MOB3B: variants seen among roughly 807,000 people sequenced by gnomAD.
MOB3B encodes the protein MOB kinase activator 3B.
MOB3B carries 7 observed loss-of-function variants against 18.7 expected under a neutral mutation model. The observed-to-expected ratio is 0.37, with a 90% CI of 0.21 to 0.70. MOB3B has a LOEUF of 0.70. Ranked by LOEUF, MOB3B falls within the 30% of genes least tolerant of loss-of-function variation. MOB3B has a pLI of 0.52. For synonymous variants in MOB3B, 111 were observed against 99.9 expected (o/e 1.11, Z -0.66); for missense variants, 253 against 281.3 (o/e 0.90, Z 0.72).
rs569328413 is a variant in MOB3B, at chr9:27,524,223, G to A, written c.-199+5332C>T. 366 of 898,732 alleles carry A rather than the reference G, an allele frequency of 4.1e-4. 1 individual carries two copies. The highest frequency in any genetic ancestry group is 2.1e-3 in the Middle Eastern group (6 of 2,900). 55.7% of individuals were successfully genotyped at this position (898,732 alleles called of 1,614,324 possible). On this transcript the variant is annotated intron_variant, in intron 1 of 3. Coordinates refer to ENST00000262244, the MANE Select transcript of MOB3B (RefSeq NM_024761.5). ...CAACCTTGGTTAACTGTGAAATGAC[G>A]AATGAGAAAACTCCTCCTGCTGAAG...
At chr9:27,502,078 C>T (rs1820000705) in intron 1 of MOB3B, among the ~76,000 whole-genome samples, 1 of 152,158 alleles carries the variant, frequency 6.6e-6, no homozygotes, top group Non-Finnish European at 1.5e-5. Context: ...CATATATACA[C>T]GATCCTTCTC....
intron 2 of MOB3B, among the ~76,000 whole-genome samples, chr9:27,447,427 C>G (rs1333329895): frequency 6.6e-6 from 1 of 152,188 alleles, no homozygotes; most frequent in African/African-American, 2.4e-5. Context: ...CCTATTATGG[C>G]CTTTGTTTGT....
intron 3 of MOB3B, among the ~76,000 whole-genome samples, chr9:27,331,215 C>T (rs1459639404): frequency 2.6e-5 from 4 of 152,150 alleles, no homozygotes; most frequent in Admixed American, 6.5e-5. Context: ...TTATAGATCC[C>T]GAATAGCCAT....
At chr9:27,337,270 C>G (rs930273660) in intron 3 of MOB3B, among the ~76,000 whole-genome samples, 1 of 152,246 alleles carries the variant, frequency 6.6e-6, no homozygotes, top group South Asian at 2.1e-4. Context: ...TTTCGTCTCA[C>G]AAATTCCACT....
chr9:27,508,927 G>C (rs1406656035), intron 1 of MOB3B, among the ~76,000 whole-genome samples: 1 of 152,176 alleles, frequency 6.6e-6, no homozygotes, highest in Non-Finnish European at 1.5e-5. Flanking sequence ...AAAGCAAACA[G>C]CTCCAGTTCC....
chr9:27,435,669 T>C (rs1822489909), intron 2 of MOB3B, among the ~76,000 whole-genome samples: 1 of 152,156 alleles, frequency 6.6e-6, no homozygotes, highest in African/African-American at 2.4e-5. Context: ...GCGCTATCTC[T>C]ACTCACTGCC....
Position 27,363,851 on chromosome 9 carries a change from C to T in MOB3B, c.419-4615G>A, listed in dbSNP as rs905767691. Among the ~76,000 whole-genome samples the T allele has an allele frequency of 2.0e-5, 3 of 152,336 alleles. No homozygotes were observed. The South Asian group carries it at 6.2e-4, about 32-fold the overall frequency. ...CAGCCTCCTGGGCCCAAGCAATCCT[C>T]CTGCCTCAGCCTTCCAAGTAGCTGA... is the stretch of plus-strand genomic sequence containing the variant. On this transcript the variant is annotated intron_variant, in intron 2 of 3. Coordinates refer to ENST00000262244, the MANE Select transcript of MOB3B (RefSeq NM_024761.5).
At chr9:27,438,171 C>T (rs927479791) in intron 2 of MOB3B, among the ~76,000 whole-genome samples, 1 of 152,204 alleles carries the variant, frequency 6.6e-6, no homozygotes, top group Non-Finnish European at 1.5e-5. Flanking sequence ...GGAAGGTCAT[C>T]GTCACCCTAC....
At chr9:27,376,028 ATTTTG>A (rs1821485895) in intron 2 of MOB3B, among the ~76,000 whole-genome samples, 1 of 152,148 alleles carries the variant, frequency 6.6e-6, no homozygotes. Flanking sequence ...CACTGGTAAT[ATTTTG>A]TTGTGTTATC....
chr9:27,468,871 T>C (rs1819428887), intron 1 of MOB3B, among the ~76,000 whole-genome samples: 1 of 152,208 alleles, frequency 6.6e-6, no homozygotes, highest in Non-Finnish European at 1.5e-5. Context: ...AGATCAACAG[T>C]GGCTACTGGA....
intron 2 of MOB3B, among the ~76,000 whole-genome samples, chr9:27,388,863 G>A (rs1821685925): frequency 6.6e-6 from 1 of 151,934 alleles, no homozygotes; most frequent in African/African-American, 2.4e-5. Flanking sequence ...ATAATCCACA[G>A]GCAGATCCTA....
At chr9:27,516,579 A>G (rs1305628224) in intron 1 of MOB3B, among the ~76,000 whole-genome samples, 2 of 152,240 alleles carry the variant, frequency 1.3e-5, no homozygotes, top group Non-Finnish European at 2.9e-5. Flanking sequence ...CTGTGGAGTC[A>G]TCTGGGCAAA....
intron 1 of MOB3B, among the ~76,000 whole-genome samples, chr9:27,519,057 A>T (rs1820285089): frequency 6.6e-6 from 1 of 152,228 alleles, no homozygotes. Flanking sequence ...CACCAGAAGT[A>T]GTATAGGACA....
chr9:27,343,300 A>AAGAGTCATCACCT, intron 3 of MOB3B, among the ~76,000 whole-genome samples: 1 of 151,158 alleles, frequency 6.6e-6, no homozygotes, highest in South Asian at 2.1e-4. Flanking sequence ...AGTCATCACC[A>AAGAGTCATCACCT]CTCCCTAATC....
chr9:27,398,410 T>C (rs1194717384), intron 2 of MOB3B, among the ~76,000 whole-genome samples: 4 of 151,458 alleles, frequency 2.6e-5, no homozygotes, highest in African/African-American at 4.9e-5. Context: ...TTTTCTTTTT[T>C]TAGTTATAAA....
At chr9:27,353,601 T>G (rs1888379) in intron 3 of MOB3B, among the ~76,000 whole-genome samples, 65,358 of 151,928 alleles carry the variant, frequency 0.43, 14,309 homozygotes, top group Middle Eastern at 0.53. Flanking sequence ...GGAGAGAGAA[T>G]GAGAAGGTCC....
In MOB3B at chr9:27,326,498, C is replaced by T. The variant is rs1337913755; in HGVS notation, c.*4089G>A. On this transcript the variant is annotated 3_prime_UTR_variant, in exon 4 of 4. Coordinates refer to ENST00000262244, the MANE Select transcript of MOB3B (RefSeq NM_024761.5). The stretch of plus-strand genomic sequence containing the variant: ...ACTTCAGCTCGAGTTGAATGGAATT[C>T]AAGATGTTGTGGAGGGTTCAGTGGG... The T allele has an allele frequency of 2.5e-6, 1 of 398,470 alleles. No homozygotes were observed. Among genetic ancestry groups the T allele is most frequent in the South Asian group, 1.3e-4 (1 of 7,854 alleles). The allele number at this position is 398,470 out of a possible 1,614,324, so 24.7% of individuals were successfully genotyped here.
At chr9:27,412,484 G>C (rs1318285472) in intron 2 of MOB3B, among the ~76,000 whole-genome samples, 1 of 152,148 alleles carries the variant, frequency 6.6e-6, no homozygotes, top group South Asian at 2.1e-4. Context: ...GAAATGCTCA[G>C]TACCAGGAGT....
At chr9:27,340,389 C>A (rs905151820) in intron 3 of MOB3B, among the ~76,000 whole-genome samples, 1 of 151,938 alleles carries the variant, frequency 6.6e-6, no homozygotes, top group African/African-American at 2.4e-5. Flanking sequence ...CATATTCAGC[C>A]TCCTGATTTA....
Sources: gnomAD v4.1 joint callset for allele counts (sites outside exome capture counted in the v4.1 genomes callset) on GRCh38, gnomAD v4.1.1 for gene constraint, MANE v1.5 for transcripts, NCBI Gene and HGNC (gene_info 2026-07-23, HGNC 2026-07-21) for gene names.